IQCB1: variants seen among roughly 807,000 people sequenced by gnomAD.
The protein encoded by IQCB1 is IQ calmodulin-binding motif-containing protein 1.
A neutral mutation model predicts 84.4 loss-of-function variants in IQCB1; 56 were observed. The ratio of observed to expected loss-of-function variants is 0.66; its 90% CI spans 0.54 to 0.83. The LOEUF is 0.83. Ranked by LOEUF, IQCB1 falls within the 40% of genes least tolerant of loss-of-function variation. The pLI, the probability that IQCB1 is intolerant of heterozygous loss-of-function variation, is 0.00. For missense variants in IQCB1, 629 were observed against 682.1 expected, an observed-to-expected ratio of 0.92 and a Z score of 0.87; for synonymous variants, 210 against 234.8, an observed-to-expected ratio of 0.89 and a Z score of 0.96.
At chr3:121,826,814 A>C (rs4505751) in intron 4 of IQCB1, among the ~76,000 whole-genome samples, 60,215 of 151,924 alleles carry the variant, frequency 0.4, 12,494 homozygotes, top group South Asian at 0.56. Flanking sequence ...TTTCCTGTAC[A>C]TAAGTCAGAA....
Position 121,770,581 on chromosome 3 carries a change from T to C in IQCB1, c.1568-7A>G, listed in dbSNP as rs1947932912. The C allele has an allele frequency of 1.2e-6, 2 of 1,604,700 alleles. No homozygotes were observed. Among genetic ancestry groups the C allele is most frequent in the Admixed American group, 1.7e-5 (1 of 59,714 alleles). On this transcript the variant is annotated splice_region_variant and splice_polypyrimidine_tract_variant and intron_variant, in intron 14 of 14. Coordinates refer to ENST00000310864, the MANE Select transcript of IQCB1 (RefSeq NM_001023570.4). Reference sequence around the variant, plus strand: ...TCCTTCAGACTTGGTGCCTCTGTAGTGGACAGAAAATAAACAGATGAGCAG... The same window carrying C: ...TCCTTCAGACTTGGTGCCTCTGTAGCGGACAGAAAATAAACAGATGAGCAG...
intron 13 of IQCB1, among the ~76,000 whole-genome samples, chr3:121,780,145 C>T (rs2108521544): frequency 6.6e-6 from 1 of 152,220 alleles, no homozygotes; most frequent in Admixed American, 6.5e-5. Flanking sequence ...AGTCTAGTTC[C>T]CTTGGTGTCA....
chr3:121,781,632 TACACACACACACACACACAC>T, intron 13 of IQCB1, 91 bp downstream of exon 13: 1 of 819,788 alleles, frequency 1.2e-6, no homozygotes, highest in Non-Finnish European at 2.0e-6. Flanking sequence ...GCAATAAATG[TACACACACACACACACACAC>T]ACACACACAC....
intron 5 of IQCB1, among the ~76,000 whole-genome samples, chr3:121,823,555 C>G (rs957588790): frequency 6.6e-6 from 1 of 152,114 alleles, no homozygotes; most frequent in African/African-American, 2.4e-5. Flanking sequence ...GGAAAAAAAT[C>G]TTTAAAGTGC....
At position 121,828,865 on chromosome 3, in the gene IQCB1, T is replaced by C; in HGVS notation, c.96A>G (p.Leu32=). ...EQNVPVILLK[L]KEIINITPLG... ...ATCACAAAAAGATTTTCTTACCTTTTAACTTCAACAGTATAACAGGGACAT... is the reference window on the plus strand; with the variant it reads ...ATCACAAAAAGATTTTCTTACCTTTCAACTTCAACAGTATAACAGGGACAT... Residue 32 remains leucine (L), a synonymous_variant, in exon 3 of 15, where the codon TTA becomes TTG. Transcript: ENST00000310864. The C allele has an allele frequency of 1.9e-6, 3 of 1,573,660 alleles. No individual in the cohort carries two copies. Among genetic ancestry groups the C allele is most frequent in the Non-Finnish European group, 2.6e-6 (3 of 1,144,666 alleles).
At chr3:121,832,165 A>G (rs1950663592) in intron 2 of IQCB1, among the ~76,000 whole-genome samples, 1 of 152,104 alleles carries the variant, frequency 6.6e-6, no homozygotes, top group African/African-American at 2.4e-5. Context: ...TGTATTTTCT[A>G]TTCATATCCC....
chr3:121,808,892 T>G, intron 6 of IQCB1, 24 bp downstream of exon 6: 1 of 1,403,312 alleles, frequency 7.1e-7, no homozygotes, highest in Non-Finnish European at 1.0e-6. Context: ...TAGCTATTAG[T>G]TACATTAAAA....
rs931314961 is a variant in IQCB1, at chr3:121,829,058, A to G, written c.-12-86T>C. ...ATAATGTTTGAAATATAATTTCAAT[A>G]TAAATAAAAACAGCTTTTCTTGCCT... On this transcript the variant is annotated intron_variant, in intron 2 of 14. Transcript: ENST00000310864. 5.2e-6 allele frequency: 4 copies of G among 772,100 alleles called. No homozygotes were observed. In the African/African-American group the frequency reaches 7.0e-5, roughly 14 times the overall value. 47.8% of individuals were successfully genotyped at this position (772,100 alleles called of 1,614,324 possible). A position where few individuals can be genotyped will look rare whatever the true frequency, so the allele number is the denominator to read the frequency against.
chr3:121,779,363 A>G (rs1948379450), intron 13 of IQCB1, among the ~76,000 whole-genome samples: 1 of 152,110 alleles, frequency 6.6e-6, no homozygotes, highest in South Asian at 2.1e-4. Context: ...TTTGTACAGT[A>G]TCTACTAGTA....
Position 121,799,271 on chromosome 3 carries a change from T to A in IQCB1, c.691A>T (p.Thr231Ser), listed in dbSNP as rs756434313. 1 of 1,610,504 alleles carries A rather than the reference T, an allele frequency of 6.2e-7. No individual in the cohort carries two copies. The highest frequency in any genetic ancestry group is 8.5e-7 in the Non-Finnish European group (1 of 1,177,492). ...TPSPVIRSTA[T>S]KLLLLMAESH... ...TCAGCCATCAACAGTAGGAGTTTTG[T>A]AGCAGTACTTCTTATAACTGGACTA... The change falls in exon 8 of 15, where the codon ACA becomes TCA. Residue 231 changes from threonine to serine, a missense_variant. Coordinates refer to ENST00000310864, the MANE Select transcript of IQCB1 (RefSeq NM_001023570.4).
intron 5 of IQCB1, among the ~76,000 whole-genome samples, chr3:121,814,901 C>G (rs895950674): frequency 6.6e-6 from 1 of 152,222 alleles, no homozygotes; most frequent in Non-Finnish European, 1.5e-5. Flanking sequence ...TCCTCCCTAA[C>G]TCATTTTCTG....
At chr3:121,774,801 G>C (rs2108511179) in intron 13 of IQCB1, among the ~76,000 whole-genome samples, 2 of 152,280 alleles carry the variant, frequency 1.3e-5, no homozygotes, top group South Asian at 4.1e-4. Context: ...GATGAAAAAA[G>C]TTCTGAAGAT....
chr3:121,787,487 T>C (rs1948780991), intron 12 of IQCB1, among the ~76,000 whole-genome samples: 1 of 152,184 alleles, frequency 6.6e-6, no homozygotes, highest in East Asian at 1.9e-4. Context: ...GAGCGGTGGC[T>C]CACGCCTGTA....
chr3:121,794,282 T>C (rs1949098904), intron 10 of IQCB1, among the ~76,000 whole-genome samples: 1 of 152,200 alleles, frequency 6.6e-6, no homozygotes, highest in Non-Finnish European at 1.5e-5. Context: ...AAATGTGCCA[T>C]ATGCATTTTT....
At chr3:121,786,664 T>C (rs1160360687) in intron 12 of IQCB1, among the ~76,000 whole-genome samples, 2 of 152,178 alleles carry the variant, frequency 1.3e-5, no homozygotes, top group African/African-American at 4.8e-5. Context: ...CTAGAGGAGA[T>C]ATGAGGCAAA....
chr3:121,778,265 T>C (rs1948310716), intron 13 of IQCB1, among the ~76,000 whole-genome samples: 1 of 152,186 alleles, frequency 6.6e-6, no homozygotes, highest in African/African-American at 2.4e-5. Flanking sequence ...CCTTGTAGAT[T>C]CTAGATATTA....
chr3:121,771,313 T>C (rs1947980157), intron 14 of IQCB1, among the ~76,000 whole-genome samples: 1 of 152,060 alleles, frequency 6.6e-6, no homozygotes, highest in South Asian at 2.1e-4. Flanking sequence ...TAGATTTTTG[T>C]AAGATGGCTT....
intron 8 of IQCB1, among the ~76,000 whole-genome samples, chr3:121,798,821 A>G (rs1254518601): frequency 6.6e-6 from 1 of 152,008 alleles, no homozygotes; most frequent in East Asian, 1.9e-4. Flanking sequence ...TCAAAATACC[A>G]TAAGGGCCAC....
chr3:121,777,306 A>G (rs748432723), intron 13 of IQCB1, among the ~76,000 whole-genome samples: 14 of 152,194 alleles, frequency 9.2e-5, no homozygotes, highest in Non-Finnish European at 1.8e-4. Context: ...CATTGAGTGT[A>G]CCTACAGAAA....
Sources: gnomAD v4.1 joint callset for allele counts (sites outside exome capture counted in the v4.1 genomes callset) on GRCh38, gnomAD v4.1.1 for gene constraint, MANE v1.5 for transcripts, NCBI Gene and HGNC (gene_info 2026-07-23, HGNC 2026-07-21) for gene names.